FRMD7: variants seen among roughly 807,000 people sequenced by gnomAD.
FRMD7 encodes FERM domain containing 7.
In FRMD7, 14 loss-of-function variants were observed where a neutral mutation model predicts 44.1. That is an observed-to-expected ratio of 0.32 (90% CI 0.21 to 0.50). The LOEUF (loss-of-function observed/expected upper bound fraction) is 0.50. Ranked by LOEUF, FRMD7 falls within the 20% of genes least tolerant of loss-of-function variation. FRMD7 has a pLI of 0.99. For missense variants in FRMD7, 501 were observed against 522.3 expected, an observed-to-expected ratio of 0.96 and a Z score of 0.40; for synonymous variants, 212 against 187.4, an observed-to-expected ratio of 1.13 and a Z score of -1.07.
At chrX:132,100,866 C>T in intron 1 of FRMD7, 150 bp from the exon 2 acceptor site, 1 of 484,506 alleles carries the variant, frequency 2.1e-6, no homozygotes, top group Non-Finnish European at 3.6e-6. Context: ...AAGATGTTGA[C>T]CTTTACAGAT....
Position 132,082,472 on chromosome X carries a change from C to T in FRMD7, c.796G>A (p.Ala266Thr), listed in dbSNP as rs371836100. 1.7e-6 allele frequency: 2 copies of T among 1,210,050 alleles called. No individual in the cohort carries two copies. The highest frequency in any genetic ancestry group is 2.2e-6 in the Non-Finnish European group (2 of 893,568). Residue 266 changes from alanine to threonine, a missense_variant, in exon 9 of 12, where the codon GCT becomes ACT. Coordinates refer to ENST00000298542, the MANE Select transcript of FRMD7 (RefSeq NM_194277.3). ...TATTCCACACAAGTCTTCCAGAAAGCCTTGCAGGCATCTCGGCTGGCCATG... is the reference window on the plus strand; with the variant it reads ...TATTCCACACAAGTCTTCCAGAAAGTCTTGCAGGCATCTCGGCTGGCCATG... ...FTMASRDACK[A>T]FWKTCVEYHA... is the part of the protein sequence containing the mutation.
chrX:132,082,328 T>G (rs780763527), intron 9 of FRMD7, 35 bp downstream of exon 9: 1 of 1,129,547 alleles, frequency 8.9e-7, no homozygotes, highest in Middle Eastern at 2.7e-4. Context: ...AAAGAAGCAG[T>G]GTGAGCAGTT....
At chrX:132,106,147 C>T (rs1928641674) in intron 1 of FRMD7, among the ~76,000 whole-genome samples, 1 of 111,807 alleles carries the variant, frequency 8.9e-6, no homozygotes, top group African/African-American at 3.2e-5. Context: ...CTATAAGAAA[C>T]TTACACAAAT....
At chrX:132,091,984 C>T (rs923384956) in intron 5 of FRMD7, among the ~76,000 whole-genome samples, 2 of 112,432 alleles carry the variant, frequency 1.8e-5, no homozygotes, top group South Asian at 7.4e-4. Context: ...TCACCTGCTA[C>T]CATGCATTAT....
intron 1 of FRMD7, among the ~76,000 whole-genome samples, chrX:132,118,556 T>C (rs1928960351): frequency 9.0e-6 from 1 of 111,569 alleles, no homozygotes; most frequent in African/African-American, 3.3e-5. Flanking sequence ...CACCCTGTTC[T>C]CCCAGTGCGC....
At chrX:132,080,800 G>A (rs1284051631) in intron 9 of FRMD7, among the ~76,000 whole-genome samples, 6 of 110,085 alleles carry the variant, frequency 5.5e-5, no homozygotes, top group African/African-American at 1.7e-4. Context: ...GCAACACAGC[G>A]AGACCCTGTC....
chrX:132,112,685 G>C (rs1181593085), intron 1 of FRMD7, among the ~76,000 whole-genome samples: 1 of 111,262 alleles, frequency 9.0e-6, no homozygotes, highest in Non-Finnish European at 1.9e-5. Flanking sequence ...ACTATCCTGG[G>C]GGGTCCTGGA....
intron 1 of FRMD7, among the ~76,000 whole-genome samples, chrX:132,103,762 T>G (rs1476567385): frequency 8.9e-6 from 1 of 112,256 alleles, no homozygotes; most frequent in East Asian, 2.8e-4. Context: ...TCTCTTCACT[T>G]ACTAGCTGGA....
intron 1 of FRMD7, among the ~76,000 whole-genome samples, chrX:132,110,590 G>A (rs1218099518): frequency 9.0e-6 from 1 of 111,347 alleles, no homozygotes; most frequent in Non-Finnish European, 1.9e-5. Context: ...CTTGACATTT[G>A]TTTCTTTACC....
intron 1 of FRMD7, among the ~76,000 whole-genome samples, chrX:132,123,929 A>G (rs1929094877): frequency 8.9e-6 from 1 of 112,547 alleles, no homozygotes; most frequent in South Asian, 3.7e-4. Context: ...TGCAGCAGGC[A>G]AAAAGGGATA....
intron 1 of FRMD7, among the ~76,000 whole-genome samples, chrX:132,113,290 C>T (rs190692491): frequency 1.3e-4 from 15 of 111,884 alleles, no homozygotes; most frequent in East Asian, 2.8e-4. Flanking sequence ...TATATTTTAA[C>T]GTGAAATTGA....
At chrX:132,103,842 G>A (rs1928576134) in intron 1 of FRMD7, among the ~76,000 whole-genome samples, 3 of 112,432 alleles carry the variant, frequency 2.7e-5, no homozygotes, top group South Asian at 7.4e-4. Flanking sequence ...TAAAAACCAC[G>A]TGTTTGAATT....
chrX:132,101,432 G>C (rs1409284353), intron 1 of FRMD7, among the ~76,000 whole-genome samples: 1 of 112,225 alleles, frequency 8.9e-6, no homozygotes, highest in Non-Finnish European at 1.9e-5. Flanking sequence ...TGAGCCAAGG[G>C]CAAGCTCCCC....
rs780428013 is a variant in FRMD7, at chrX:132,094,152, T to TG, written c.285-14dup. On this transcript the variant is annotated splice_polypyrimidine_tract_variant and intron_variant, in intron 4 of 11. Transcript: ENST00000298542. ...AGTAAAAAGATACCTGCAAAGAAATTGGGGAGAATCTCTTGAGAAAGAAAC... is the reference window on the plus strand; with the variant it reads ...AGTAAAAAGATACCTGCAAAGAAATTGGGGGAGAATCTCTTGAGAAAGAAAC... 1 of 935,464 alleles carries TG rather than the reference T, an allele frequency of 1.1e-6. No individual in the cohort carries two copies. Among genetic ancestry groups the TG allele is most frequent in the Admixed American group, 2.2e-5 (1 of 45,506 alleles). 77.1% of individuals were successfully genotyped at this position (935,464 alleles called of 1,213,427 possible).
intron 1 of FRMD7, among the ~76,000 whole-genome samples, chrX:132,103,414 G>T (rs374979538): frequency 1.3e-4 from 14 of 110,602 alleles, no homozygotes; most frequent in Middle Eastern, 4.7e-3. Context: ...TTTACCACCC[G>T]TCAGTCCTCC....
intron 1 of FRMD7, among the ~76,000 whole-genome samples, chrX:132,102,613 G>A (rs761575270): frequency 2.3e-4 from 25 of 109,729 alleles, no homozygotes; most frequent in Non-Finnish European, 3.2e-4. Flanking sequence ...TAGACAAGGA[G>A]CTGCCATGGG....
chrX:132,079,695 A>C (rs1043645641), intron 11 of FRMD7, among the ~76,000 whole-genome samples: 1 of 112,089 alleles, frequency 8.9e-6, no homozygotes, highest in African/African-American at 3.2e-5. Flanking sequence ...ATAGGTAAAA[A>C]GATGGAGCTT....
intron 1 of FRMD7, among the ~76,000 whole-genome samples, chrX:132,116,743 T>G (rs944188335): frequency 1.8e-5 from 2 of 111,700 alleles, no homozygotes; most frequent in Non-Finnish European, 3.8e-5. Flanking sequence ...GATGGGTTGA[T>G]GGGTGCAGTA....
chrX:132,122,377 T>C (rs1269184102), intron 1 of FRMD7, among the ~76,000 whole-genome samples: 1 of 111,880 alleles, frequency 8.9e-6, no homozygotes, highest in East Asian at 2.8e-4. Flanking sequence ...CAGATGTATT[T>C]TTCCTTCCAT....
Sources: gnomAD v4.1 joint callset for allele counts (sites outside exome capture counted in the v4.1 genomes callset) on GRCh38, gnomAD v4.1.1 for gene constraint, MANE v1.5 for transcripts, NCBI Gene and HGNC (gene_info 2026-07-23, HGNC 2026-07-21) for gene names.